Variants in ZNF875 observed in about 807,000 individuals in gnomAD.
ZNF875 encodes zinc finger protein 875.
ZNF875 carries 14 observed loss-of-function variants against 11.2 expected under a neutral mutation model. That is an observed-to-expected ratio of 1.26 (90% CI 0.83 to 1.96). ZNF875 has a LOEUF of 1.96. Among genes scored for constraint, ZNF875 ranks in the 30% most tolerant of loss-of-function variants. The pLI is 0.00. For synonymous variants in ZNF875, 301 were observed against 281.1 expected, an observed-to-expected ratio of 1.07 and a Z score of -0.71; for missense variants, 752 against 760.4, an observed-to-expected ratio of 0.99 and a Z score of 0.13.
chr19:37,344,693 C>G, intron 2 of ZNF875: 1 of 1,613,842 alleles, frequency 6.2e-7, no homozygotes, highest in Non-Finnish European at 8.5e-7. Flanking sequence ...TCATGAGGGT[C>G]AACCACACAG....
At chr19:37,342,138 A>C (rs2035843659) in intron 2 of ZNF875, among the ~76,000 whole-genome samples, 1 of 151,918 alleles carries the variant, frequency 6.6e-6, no homozygotes, top group African/African-American at 2.4e-5. Flanking sequence ...CAGCGTGGAG[A>C]CTCCACTAGG....
chr19:37,334,668 G>A lies in ZNF875; in HGVS notation c.-171G>A. Reference sequence around the variant, plus strand: ...AGAAACACTTCCGGTCGGTGGCCCAGGCGCGTTAAGCTGGTTGGGACCCGG... The same window carrying A: ...AGAAACACTTCCGGTCGGTGGCCCAAGCGCGTTAAGCTGGTTGGGACCCGG... On this transcript the variant is annotated 5_prime_UTR_variant, in exon 1 of 5. Coordinates refer to ENST00000392153, the MANE Select transcript of ZNF875 (RefSeq NM_001353803.2). 2.2e-6 allele frequency: 1 copy of A among 456,056 alleles called. No individual in the cohort carries two copies. The highest frequency in any genetic ancestry group is 4.4e-6 in the Non-Finnish European group (1 of 226,802). The allele number at this position is 456,056 out of a possible 1,614,324, so 28.3% of individuals were successfully genotyped here.
chr19:37,348,228 T>C (rs2037200219), intron 4 of ZNF875, among the ~76,000 whole-genome samples: 1 of 152,236 alleles, frequency 6.6e-6, no homozygotes, highest in African/African-American at 2.4e-5. Context: ...ATGCTAAGAT[T>C]AATTGATTAA....
At position 37,362,912 on chromosome 19, in the gene ZNF875, A is replaced by T. The variant is rs913191697; in HGVS notation, c.1060A>T (p.Ile354Phe). 1 of 1,613,886 alleles carries T rather than the reference A, an allele frequency of 6.2e-7. No homozygotes were observed. The highest frequency in any genetic ancestry group is 1.7e-5 in the Admixed American group (1 of 59,986). The stretch of plus-strand genomic sequence containing the variant: ...GAGCTTTAGCCTGAAGTCAAACCTC[A>T]TTACCCACCAGAGGGCGCACACTGG... ...GQSFSLKSNL[I>F]THQRAHTGEK... The change falls in exon 5 of 5, where the codon ATT (isoleucine) becomes TTT (phenylalanine). Residue 354 changes from isoleucine (I) to phenylalanine (F), a missense_variant. By Grantham distance (21) the Ile-to-Phe change is conservative. Coordinates refer to ENST00000392153, the MANE Select transcript of ZNF875 (RefSeq NM_001353803.2).
At chr19:37,350,799 C>CTTTT (rs61142979) in intron 4 of ZNF875, among the ~76,000 whole-genome samples, 18 of 91,234 alleles carry the variant, frequency 2.0e-4, no homozygotes, top group South Asian at 8.8e-4. Flanking sequence ...ATTCTTTTTG[C>CTTTT]TTTTTTTTTT....
chr19:37,350,106 CTTTTTTTTTTTTTT>C (rs34388347), intron 4 of ZNF875, among the ~76,000 whole-genome samples: 1 of 63,696 alleles, frequency 1.6e-5, no homozygotes, highest in East Asian at 4.3e-4. Flanking sequence ...CCCCACTGGC[CTTTTTTTTTTTTTT>C]TTTTTTTTTT....
intron 3 of ZNF875, 49 bp from the exon 4 acceptor site, chr19:37,347,728 C>T (rs756262724): frequency 1.7e-6 from 2 of 1,198,704 alleles, no homozygotes; most frequent in Non-Finnish European, 1.2e-6. Flanking sequence ...CTAGAATGCC[C>T]TCTTGAGCCC....
At chr19:37,334,629 G>T (rs2033896526), upstream of ZNF875, 1 of 455,076 alleles carries the variant, frequency 2.2e-6, no homozygotes, top group Non-Finnish European at 4.4e-6. Flanking sequence ...CCTTCAGTGT[G>T]TAGCGTTGAC....
At chr19:37,344,514 C>T in intron 2 of ZNF875, 1 of 600,520 alleles carries the variant, frequency 1.7e-6, no homozygotes, top group South Asian at 1.9e-5. Context: ...CCTGTGACTC[C>T]ATCTTACAAA....
chr19:37,354,677 A>G (rs982079310), intron 4 of ZNF875, among the ~76,000 whole-genome samples: 1 of 152,170 alleles, frequency 6.6e-6, no homozygotes, highest in East Asian at 1.9e-4. Context: ...GTTTAACGGT[A>G]TTGAAAGGTG....
chr19:37,336,936 T>C (rs564854069), intron 2 of ZNF875, among the ~76,000 whole-genome samples: 6 of 152,170 alleles, frequency 3.9e-5, no homozygotes, highest in African/African-American at 1.4e-4. Flanking sequence ...AATATACATA[T>C]GTTAAGATAC....
upstream of ZNF875, among the ~76,000 whole-genome samples, chr19:37,332,251 G>T (rs1236895495): frequency 6.7e-6 from 1 of 149,270 alleles, no homozygotes; most frequent in Non-Finnish European, 1.5e-5. Context: ...GCTGAACGCT[G>T]GTTCCCCGGG....
intron 4 of ZNF875, among the ~76,000 whole-genome samples, chr19:37,356,837 A>G (rs1407401076): frequency 6.6e-6 from 1 of 152,120 alleles, no homozygotes; most frequent in Non-Finnish European, 1.5e-5. Flanking sequence ...TAATTAAATC[A>G]TATTTGTCCA....
chr19:37,358,129 TGA>T, intron 4 of ZNF875: 1 of 305,030 alleles, frequency 3.3e-6, no homozygotes, highest in Non-Finnish European at 6.0e-6. Context: ...TCTATTAAGA[TGA>T]TCTTTTTTTT....
At chr19:37,361,953 G>T in intron 4 of ZNF875, 156 bp from the exon 5 acceptor site, 1 of 608,692 alleles carries the variant, frequency 1.6e-6, no homozygotes, top group Non-Finnish European at 2.9e-6. Flanking sequence ...TGTAATGCAT[G>T]AAGTGAAATG....
chr19:37,315,848 G>A (rs890415200), upstream of ZNF875, among the ~76,000 whole-genome samples: 41 of 152,038 alleles, frequency 2.7e-4, no homozygotes, highest in Non-Finnish European at 4.0e-4. Flanking sequence ...AGGGCCTAGG[G>A]TCTGGAAAGA....
chr19:37,363,731 C>T lies in ZNF875; in HGVS notation c.1879C>T (p.Arg627Trp), dbSNP rs138153391. The T allele has an allele frequency of 2.0e-5, 32 of 1,613,568 alleles. No homozygotes were observed. Among genetic ancestry groups the T allele is most frequent in the Middle Eastern group, 1.6e-4 (1 of 6,084 alleles). The change falls in exon 5 of 5, where the codon CGG (arginine) becomes TGG (tryptophan). Residue 627 changes from arginine (R) to tryptophan (W), a missense_variant. By Grantham distance (101) the Arg-to-Trp change is moderately radical. Coordinates refer to ENST00000392153, the MANE Select transcript of ZNF875 (RefSeq NM_001353803.2). ...CAGAAAGTGTGGACGGGGCTTTAGT[C>T]GGAAGTCCAACCTTATCAGACATCA... ...ICRKCGRGFS[R>W]KSNLIRHQRT...
chr19:37,321,552 G>A (rs1298091177), intron 1 of ZNF875, among the ~76,000 whole-genome samples: 1 of 152,118 alleles, frequency 6.6e-6, no homozygotes, highest in Non-Finnish European at 1.5e-5. Context: ...TCCTCTGTAT[G>A]CTGAGCGCCA....
upstream of ZNF875, among the ~76,000 whole-genome samples, chr19:37,316,292 G>A (rs1048780125): frequency 6.6e-6 from 1 of 152,206 alleles, no homozygotes; most frequent in Non-Finnish European, 1.5e-5. Flanking sequence ...TTGCAAAGAC[G>A]GAGTCCGTCA....
Sources: gnomAD v4.1 joint callset for allele counts (sites outside exome capture counted in the v4.1 genomes callset) on GRCh38, gnomAD v4.1.1 for gene constraint, MANE v1.5 for transcripts, NCBI Gene and HGNC (gene_info 2026-07-23, HGNC 2026-07-21) for gene names.